The following ADAMTS3 variants were observed in gnomAD, a reference collection of about 807,000 sequenced individuals.
ADAMTS3 encodes the protein ADAM metallopeptidase with thrombospondin type 1 motif 3, also known as A disintegrin and metalloproteinase with thrombospondin motifs 3.
Under a neutral mutation model 129.0 loss-of-function variants are expected in ADAMTS3, and 73 were observed. The observed-to-expected ratio is 0.57, with a 90% CI of 0.47 to 0.69. The LOEUF is 0.69. ADAMTS3 is among the 30% of genes least tolerant of loss of function. ADAMTS3 has a pLI of 0.00. For synonymous variants in ADAMTS3, 477 were observed against 510.8 expected (o/e 0.93, Z 0.89); for missense variants, 1,457 against 1,514.5 (o/e 0.96, Z 0.63).
chr4:72,398,984 C>T (rs896351768), intron 4 of ADAMTS3, among the ~76,000 whole-genome samples: 16 of 152,164 alleles, frequency 1.1e-4, no homozygotes, highest in African/African-American at 3.4e-4. Flanking sequence ...TGCAGAGAAT[C>T]TTTGACAGTA....
chr4:72,427,872 A>G (rs1722610006), intron 3 of ADAMTS3, among the ~76,000 whole-genome samples: 1 of 152,092 alleles, frequency 6.6e-6, no homozygotes, highest in Non-Finnish European at 1.5e-5. Flanking sequence ...AACACACACA[A>G]TATATCTGTT....
chr4:72,463,698 CAAAAA>C (rs3034505), intron 3 of ADAMTS3, among the ~76,000 whole-genome samples: 15 of 123,348 alleles, frequency 1.2e-4, no homozygotes, highest in Non-Finnish European at 1.4e-4. Context: ...CTAAAACAGG[CAAAAA>C]AAAAAAAAAA....
chr4:72,515,691 G>T (rs1358145150), intron 3 of ADAMTS3, among the ~76,000 whole-genome samples: 9 of 151,772 alleles, frequency 5.9e-5, no homozygotes, highest in Non-Finnish European at 7.4e-5. Flanking sequence ...TTGTTTGTTT[G>T]TTTCTTGTAA....
chr4:72,513,781 A>G (rs1170051021), intron 3 of ADAMTS3, among the ~76,000 whole-genome samples: 1 of 152,058 alleles, frequency 6.6e-6, no homozygotes, highest in Non-Finnish European at 1.5e-5. Flanking sequence ...CAGTGTACCC[A>G]TCACCCACAT....
At chr4:72,559,224 C>A (rs1288847638) in intron 2 of ADAMTS3, among the ~76,000 whole-genome samples, 5 of 151,716 alleles carry the variant, frequency 3.3e-5, no homozygotes, top group African/African-American at 1.2e-4. Context: ...GTTCCTGTCA[C>A]TAGCATCCAA....
chr4:72,399,935 TA>T (rs1430882544), intron 4 of ADAMTS3, among the ~76,000 whole-genome samples: 52 of 9,494 alleles, frequency 5.5e-3, no homozygotes, highest in African/African-American at 0.025. Context: ...TACGTGTGTA[TA>T]TATGCACACA....
chr4:72,408,072 A>G (rs1208383229), intron 4 of ADAMTS3, among the ~76,000 whole-genome samples: 2 of 152,190 alleles, frequency 1.3e-5, no homozygotes, highest in Non-Finnish European at 2.9e-5. Flanking sequence ...AAAAGCAAGT[A>G]TTCAGCTCCT....
chr4:72,340,596 T>C (rs540651057), intron 4 of ADAMTS3, among the ~76,000 whole-genome samples: 62 of 152,150 alleles, frequency 4.1e-4, no homozygotes, highest in African/African-American at 1.3e-3. Context: ...ATTTCTTATT[T>C]AATGCAGTTC....
At chr4:72,483,892 C>G (rs1161963032) in intron 3 of ADAMTS3, among the ~76,000 whole-genome samples, 1 of 152,100 alleles carries the variant, frequency 6.6e-6, no homozygotes, top group Non-Finnish European at 1.5e-5. Flanking sequence ...GTGGCAGGCG[C>G]CTGTAGTCCC....
At chr4:72,440,765 AT>A (rs1718091794) in intron 3 of ADAMTS3, among the ~76,000 whole-genome samples, 1 of 151,804 alleles carries the variant, frequency 6.6e-6, no homozygotes, top group Non-Finnish European at 1.5e-5. Context: ...TTCTCCCTGC[AT>A]GAATTTTGTC....
At chr4:72,405,672 G>A (rs1039473736) in intron 4 of ADAMTS3, among the ~76,000 whole-genome samples, 9 of 152,160 alleles carry the variant, frequency 5.9e-5, no homozygotes, top group South Asian at 4.1e-4. Context: ...TTAGAAGAAG[G>A]AAAATACAAG....
intron 2 of ADAMTS3, among the ~76,000 whole-genome samples, chr4:72,564,703 C>T (rs1266463080): frequency 1.3e-5 from 2 of 152,114 alleles, no homozygotes; most frequent in Non-Finnish European, 2.9e-5. Context: ...GAGGCAATAT[C>T]CTGCATGAGA....
At chr4:72,520,721 C>T (rs1271136301) in intron 3 of ADAMTS3, among the ~76,000 whole-genome samples, 1 of 152,118 alleles carries the variant, frequency 6.6e-6, no homozygotes, top group Non-Finnish European at 1.5e-5. Flanking sequence ...TGGGATTGAC[C>T]CGATTTTCCA....
At chr4:72,515,430 G>T (rs1449686397) in intron 3 of ADAMTS3, among the ~76,000 whole-genome samples, 4 of 151,836 alleles carry the variant, frequency 2.6e-5, no homozygotes, top group Admixed American at 2.6e-4. Flanking sequence ...CACAATGGTT[G>T]AACTAGTTTA....
intron 13 of ADAMTS3, 177 bp downstream of exon 13, chr4:72,312,114 C>A: frequency 3.2e-6 from 2 of 621,048 alleles, no homozygotes; most frequent in South Asian, 4.4e-5. Context: ...ATTCTTACCT[C>A]TTTAGAGAAA....
At chr4:72,511,404 C>A (rs1313165847) in intron 3 of ADAMTS3, among the ~76,000 whole-genome samples, 1 of 152,068 alleles carries the variant, frequency 6.6e-6, no homozygotes, top group Non-Finnish European at 1.5e-5. Flanking sequence ...GGAGCTCAAA[C>A]AACTCTACAG....
chr4:72,309,677 T>TA (rs1473973613), intron 14 of ADAMTS3, among the ~76,000 whole-genome samples, 157 bp from the exon 15 acceptor site: 4 of 151,728 alleles, frequency 2.6e-5, no homozygotes, highest in Admixed American at 6.6e-5. Flanking sequence ...CTCAGTTTTT[T>TA]AAAAAAAATA....
Position 72,282,129 on chromosome 4 carries a change from T to C in ADAMTS3, c.*1007A>G, listed in dbSNP as rs1718364141. The stretch of plus-strand genomic sequence containing the variant: ...CTCAGCTACCAACATACAAATAAGT[T>C]ATCCCAAAACTTTTTCCTTTGCGAT... On this transcript the variant is annotated 3_prime_UTR_variant, in exon 22 of 22. Coordinates refer to ENST00000286657, the MANE Select transcript of ADAMTS3 (RefSeq NM_014243.3). The C allele has an allele frequency of 6.6e-6, 1 of 152,194 alleles. No individual in the cohort carries two copies. Among genetic ancestry groups the C allele is most frequent in the African/African-American group, 2.4e-5 (1 of 41,446 alleles). 9.4% of individuals were successfully genotyped at this position (152,194 alleles called of 1,614,324 possible). A position where few individuals can be genotyped will look rare whatever the true frequency, so the allele number is the denominator to read the frequency against.
chr4:72,440,229 G>C (rs1006525236), intron 3 of ADAMTS3, among the ~76,000 whole-genome samples: 2 of 151,702 alleles, frequency 1.3e-5, no homozygotes, highest in Non-Finnish European at 2.9e-5. Flanking sequence ...AAATTCAGTA[G>C]ACATGAAGGT....
Sources: allele counts gnomAD v4.1 joint callset (sites outside exome capture counted in the v4.1 genomes callset), GRCh38; gene constraint gnomAD v4.1.1; transcripts MANE v1.5; gene names NCBI Gene and HGNC (gene_info 2026-07-23, HGNC 2026-07-21).